UNC80: variants seen among roughly 807,000 people sequenced by gnomAD.
The protein encoded by UNC80 is unc-80 subunit of NALCN channel complex.
UNC80 carries 164 observed loss-of-function variants against 384.6 expected under a neutral mutation model. The observed-to-expected ratio is 0.43, with a 90% CI of 0.38 to 0.49. The LOEUF (loss-of-function observed/expected upper bound fraction) is 0.49, where lower values mean the gene tolerates loss of function less well. Among genes scored for constraint, UNC80 ranks in the 20% least tolerant of loss-of-function variants. The pLI is 0.00. For missense variants in UNC80, 3,330 were observed against 4,143.0 expected, an observed-to-expected ratio of 0.80 and a Z score of 5.39; for synonymous variants, 1,486 against 1,527.8, an observed-to-expected ratio of 0.97 and a Z score of 0.64.
intron 7 of UNC80, among the ~76,000 whole-genome samples, chr2:209,802,199 C>T (rs1180320423): frequency 6.6e-6 from 1 of 152,002 alleles, no homozygotes; most frequent in Non-Finnish European, 1.5e-5. Flanking sequence ...TATAAAATTT[C>T]AGTTAGATGA....
chr2:209,973,182 C>G lies in UNC80; in HGVS notation c.8499C>G (p.Ser2833=). Residue 2833 remains serine (S), a synonymous_variant, in exon 56 of 65, where the codon TCC becomes TCG. Coordinates refer to ENST00000673920, the MANE Select transcript of UNC80 (RefSeq NM_001371986.1). ...GCAAGAACTTCATGTTAGAGAGCTCCCCAGCCCACTGCTCCACCCCTGGGG... is the reference window on the plus strand; with the variant it reads ...GCAAGAACTTCATGTTAGAGAGCTCGCCAGCCCACTGCTCCACCCCTGGGG... ...SRSKNFMLES[S]PAHCSTPGDA... 6.4e-7 allele frequency: 1 copy of G among 1,551,650 alleles called. No homozygotes were observed. Among genetic ancestry groups the G allele is most frequent in the Non-Finnish European group, 8.7e-7 (1 of 1,146,992 alleles).
chr2:209,968,162 A>G (rs1451558004), intron 52 of UNC80: 1 of 153,216 alleles, frequency 6.5e-6, no homozygotes, highest in African/African-American at 2.4e-5. Context: ...GTACTAAATG[A>G]ACACTATTAA....
Position 209,945,838 on chromosome 2 carries a change from T to G in UNC80, c.7190-9T>G. The stretch of plus-strand genomic sequence containing the variant: ...TCTGATAGTTTGCCTTTACTTTTTG[T>G]TCCTTCAGATTTCTGCTATGGAAAC... On this transcript the variant is annotated splice_polypyrimidine_tract_variant and intron_variant, in intron 46 of 64. Coordinates refer to ENST00000673920, the MANE Select transcript of UNC80 (RefSeq NM_001371986.1). The G allele has an allele frequency of 2.6e-6, 4 of 1,548,540 alleles. No individual in the cohort carries two copies. The highest frequency in any genetic ancestry group is 3.5e-6 in the Non-Finnish European group (4 of 1,144,198).
At position 209,976,899 on chromosome 2, in the gene UNC80, T is replaced by G; in HGVS notation, c.8773-14T>G. ...GAAAATTGAGGCCCTGAGAATGTTA[T>G]GCCTTCCTTTCAGCTGCTGGCCCAA... On this transcript the variant is annotated splice_polypyrimidine_tract_variant and intron_variant, in intron 57 of 64. Transcript: ENST00000673920. This position sits in a 1 kb window ranked among gnomAD's most constrained non-coding sequence, Gnocchi z 4.3. The G allele has an allele frequency of 3.3e-6, 5 of 1,506,284 alleles. No individual in the cohort carries two copies. The highest frequency in any genetic ancestry group is 4.5e-6 in the Non-Finnish European group (5 of 1,111,410). 93.3% of individuals were successfully genotyped at this position (1,506,284 alleles called of 1,614,324 possible). A position where few individuals can be genotyped will look rare whatever the true frequency, so the allele number is the denominator to read the frequency against.
chr2:209,931,364 A>AACACACACACACACAC (rs61386739), intron 38 of UNC80, among the ~76,000 whole-genome samples: 50 of 125,556 alleles, frequency 4.0e-4, no homozygotes, highest in African/African-American at 3.5e-4. Flanking sequence ...TCTATGTTTA[A>AACACACACACACACAC]ACACACACAC....
At chr2:209,819,339 T>C (rs2079977187) in intron 12 of UNC80, 78 bp downstream of exon 12, 1 of 1,384,182 alleles carries the variant, frequency 7.2e-7, no homozygotes, top group Non-Finnish European at 9.6e-7. Context: ...TTATATAAAA[T>C]GGGCATATAG....
intron 22 of UNC80, among the ~76,000 whole-genome samples, chr2:209,859,842 T>C (rs2083221972): frequency 6.6e-6 from 1 of 152,246 alleles, no homozygotes; most frequent in Non-Finnish European, 1.5e-5. Context: ...GAAAAGTGTC[T>C]GTTCATATCC....
At chr2:209,808,819 C>A in intron 7 of UNC80, 2 of 34,042 alleles carry the variant, frequency 5.9e-5, no homozygotes, top group South Asian at 2.0e-4. Context: ...GCGCTCTTTC[C>A]TCGTCAGGAA....
intron 7 of UNC80, among the ~76,000 whole-genome samples, chr2:209,800,370 T>G (rs1198739167): frequency 6.6e-6 from 1 of 152,168 alleles, no homozygotes; most frequent in Non-Finnish European, 1.5e-5. Context: ...TATTCTCTGA[T>G]GGTAGTTTGC....
At position 209,933,813 on chromosome 2, in the gene UNC80, G is replaced by T; in HGVS notation, c.5995-9G>T. 1.3e-6 allele frequency: 2 copies of T among 1,546,522 alleles called. No homozygotes were observed. The highest frequency in any genetic ancestry group is 2.4e-5 in the South Asian group (2 of 83,294). ...TAGCTTTGTGAACTCTTCTTATACT[G>T]ACTTCTAGGTAGGATTAATCATGTA... On this transcript the variant is annotated splice_polypyrimidine_tract_variant and intron_variant, in intron 38 of 64. Transcript: ENST00000673920.
Position 209,849,765 on chromosome 2 carries a change from G to T in UNC80, c.3627+142G>T, listed in dbSNP as rs2082394081. ...AATTAGTGATAAAAGGGGGAAGAAA[G>T]ATGGTGAAAAAGGGAGAAAAATCTT... On this transcript the variant is annotated intron_variant, in intron 22 of 64. Transcript: ENST00000673920. 21 of 932,128 alleles carry T rather than the reference G, an allele frequency of 2.3e-5. No individual in the cohort carries two copies. The South Asian group carries it at 3.8e-4, about 17-fold the overall frequency. 57.7% of individuals were successfully genotyped at this position (932,128 alleles called of 1,614,324 possible). A position where few individuals can be genotyped will look rare whatever the true frequency, so the allele number is the denominator to read the frequency against.
intron 23 of UNC80, 63 bp downstream of exon 23, chr2:209,873,033 A>T: frequency 7.0e-7 from 1 of 1,427,354 alleles, no homozygotes. Flanking sequence ...TCATTTTTTG[A>T]TTGATTGTGT....
rs1357184761 is a variant in UNC80 at position 209,933,873 on chromosome 2, G to A, written c.6046G>A (p.Ala2016Thr). The part of the protein sequence containing the change: ...VRTPCEWGMD[A>T]ISATLTFLWE... ...GACCCCCTGCGAGTGGGGGATGGAT[G>A]CCATTTCAGCCACCCTGACATTCCT... is the stretch of plus-strand genomic sequence containing the variant. The change falls in exon 39 of 65, where the codon GCC becomes ACC. Residue 2016 changes from alanine (A) to threonine (T), a missense_variant. Coordinates refer to ENST00000673920, the MANE Select transcript of UNC80 (RefSeq NM_001371986.1). 2 of 1,551,366 alleles carry A rather than the reference G, an allele frequency of 1.3e-6. No individual in the cohort carries two copies. Among genetic ancestry groups the A allele is most frequent in the Non-Finnish European group, 1.7e-6 (2 of 1,146,840 alleles).
At chr2:209,870,189 C>G (rs537571514) in intron 22 of UNC80, among the ~76,000 whole-genome samples, 1 of 152,104 alleles carries the variant, frequency 6.6e-6, no homozygotes, top group East Asian at 1.9e-4. Flanking sequence ...AGCAGTGTTA[C>G]CTATGTCTTT....
Position 209,921,615 on chromosome 2 carries a change from C to G in UNC80, c.5459C>G (p.Thr1820Ser). ...KRLGREASLITAIPITQEACY... is the reference protein window; with the variant it reads ...KRLGREASLISAIPITQEACY... ...CTTGGTAGAGAAGCCAGCCTCATCACTGCCATCCCCATCACCCAGGAGGCT... is the reference window on the plus strand; with the variant it reads ...CTTGGTAGAGAAGCCAGCCTCATCAGTGCCATCCCCATCACCCAGGAGGCT... The change falls in exon 34 of 65, where the codon ACT (threonine) becomes AGT (serine). Residue 1820 changes from threonine to serine, a missense_variant. Physicochemically the swap from Thr to Ser is moderately conservative, Grantham distance 58. Coordinates refer to ENST00000673920, the MANE Select transcript of UNC80 (RefSeq NM_001371986.1). 1 of 1,551,744 alleles carries G rather than the reference C, an allele frequency of 6.4e-7. No homozygotes were observed. Among genetic ancestry groups the G allele is most frequent in the Non-Finnish European group, 8.7e-7 (1 of 1,146,990 alleles).
chr2:209,864,008 T>C (rs1256036768), intron 22 of UNC80, among the ~76,000 whole-genome samples: 1 of 151,896 alleles, frequency 6.6e-6, no homozygotes, highest in Non-Finnish European at 1.5e-5. Flanking sequence ...GACCCTTGGA[T>C]GGGGTTTTTG....
intron 33 of UNC80, among the ~76,000 whole-genome samples, chr2:209,919,914 A>T (rs2089899312): frequency 6.6e-6 from 1 of 152,230 alleles, no homozygotes; most frequent in Non-Finnish European, 1.5e-5. Flanking sequence ...CCTTGATTTT[A>T]TATCCAGTTA....
In UNC80 at chr2:209,978,624, G is replaced by A; in HGVS notation, c.9034G>A (p.Gly3012Ser). 1 of 1,551,538 alleles carries A rather than the reference G, an allele frequency of 6.4e-7. No individual in the cohort carries two copies. The highest frequency in any genetic ancestry group is 8.7e-7 in the Non-Finnish European group (1 of 1,146,870). Residue 3012 changes from glycine (G) to serine (S), a missense_variant, in exon 59 of 65, where the codon GGC becomes AGC. Transcript: ENST00000673920. ...CATGTCCCGCTCTAACACGGGCACG[G>A]GCACTGTCTGGGAGCAGGACAGTGA... ...ATMSRSNTGT[G>S]TVWEQDSEPS...
At chr2:209,971,436 CTTAAAA>C (rs1026348750) in intron 54 of UNC80, among the ~76,000 whole-genome samples, 1 of 127,984 alleles carries the variant, frequency 7.8e-6, no homozygotes, top group African/African-American at 3.0e-5. Context: ...TTATTTATTT[CTTAAAA>C]TTAAAATAAT....
Sources: gnomAD v4.1 joint callset for allele counts (sites outside exome capture counted in the v4.1 genomes callset) on GRCh38, gnomAD v4.1.1 for gene constraint, Gnocchi (gnomAD v3.1) non-coding constraint, MANE v1.5 for transcripts, NCBI Gene and HGNC (gene_info 2026-07-23, HGNC 2026-07-21) for gene names.